ATP12A: variants seen among roughly 807,000 people sequenced by gnomAD.
ATP12A encodes the protein potassium-transporting ATPase alpha chain 2.
ATP12A carries 81 observed loss-of-function variants against 111.2 expected under a neutral mutation model. The ratio of observed to expected loss-of-function variants is 0.73; its 90% confidence interval spans 0.61 to 0.88. The LOEUF (loss-of-function observed/expected upper bound fraction) is 0.88. Ranked by LOEUF, ATP12A falls within the 40% of genes least tolerant of loss-of-function variation. ATP12A has a pLI of 0.00. For missense variants in ATP12A, 1,196 were observed against 1,313.1 expected (o/e 0.91, Z 1.38); for synonymous variants, 498 against 499.8 (o/e 1.00, Z 0.05).
intron 4 of ATP12A, among the ~76,000 whole-genome samples, chr13:24,688,764 T>C (rs1874760594): frequency 6.6e-6 from 1 of 152,104 alleles, no homozygotes; most frequent in African/African-American, 2.4e-5. Flanking sequence ...GTGAAGTAGT[T>C]TGGGGTTCTG....
chr13:24,708,836 G>T (rs1875778274), intron 17 of ATP12A, among the ~76,000 whole-genome samples: 2 of 147,108 alleles, frequency 1.4e-5, no homozygotes, highest in Non-Finnish European at 3.0e-5. Flanking sequence ...AAGAGAGAAA[G>T]AAAGAGAGAA....
At chr13:24,701,894 T>G (rs1194898996) in intron 13 of ATP12A, 41 bp from the exon 14 acceptor site, 1 of 1,612,968 alleles carries the variant, frequency 6.2e-7, no homozygotes. Flanking sequence ...GCCAACCGAG[T>G]TCTTCATTAC....
Position 24,709,822 on chromosome 13 carries a change from G to A in ATP12A, c.2757G>A (p.Gln919=). The change falls in exon 19 of 23, where the codon CAG becomes CAA. Residue 919 remains glutamine, a synonymous_variant. Coordinates refer to ENST00000381946, the MANE Select transcript of ATP12A (RefSeq NM_001676.7). ...ATGACTTGAAAGACAGCTATGGGCAGGAATGGGTGAGTGGCGGGAGCCCTG... is the reference window on the plus strand; with the variant it reads ...ATGACTTGAAAGACAGCTATGGGCAAGAATGGGTGAGTGGCGGGAGCCCTG... ...YVNDLKDSYG[Q]EWTRYQREYL... is the part of the protein sequence containing the mutation. 6.2e-7 allele frequency: 1 copy of A among 1,614,084 alleles called. No individual in the cohort carries two copies.
At chr13:24,706,545 G>T in intron 15 of ATP12A, 82 bp downstream of exon 15, 1 of 1,526,742 alleles carries the variant, frequency 6.5e-7, no homozygotes, top group Non-Finnish European at 8.8e-7. Flanking sequence ...CTCACATCAG[G>T]CTGTGGTGCC....
chr13:24,688,627 T>A (rs1874757841), intron 4 of ATP12A, 105 bp downstream of exon 4: 3 of 1,126,114 alleles, frequency 2.7e-6, no homozygotes, highest in African/African-American at 1.6e-5. Context: ...TGTGGGAAAG[T>A]CAGGCATTTT....
At position 24,711,745 on chromosome 13, in the gene ATP12A, C is replaced by G; in HGVS notation, c.*223C>G. 1 of 608,450 alleles carries G rather than the reference C, an allele frequency of 1.6e-6. No individual in the cohort carries two copies. The highest frequency in any genetic ancestry group is 2.8e-5 in the East Asian group (1 of 35,702). 37.7% of individuals were successfully genotyped at this position (608,450 alleles called of 1,614,324 possible). On this transcript the variant is annotated 3_prime_UTR_variant, in exon 23 of 23. Coordinates refer to ENST00000381946, the MANE Select transcript of ATP12A (RefSeq NM_001676.7). ...ATTTTCTTTTCTATCTCCATCTCCT[C>G]ATTAAAAAATACGTACATTTCGAGG...
At position 24,691,116 on chromosome 13, in the gene ATP12A, G is replaced by T; in HGVS notation, c.934G>T (p.Gly312Ter). Residue 312 changes from glycine (G) to a stop codon, truncating the protein, a stop_gained, in exon 8 of 23, where the codon GGA becomes TGA. Coordinates refer to ENST00000381946, the MANE Select transcript of ATP12A (RefSeq NM_001676.7). LOFTEE classifies it high-confidence loss of function. ...CGAGCACTTTGTTCACATTGTGGCA[G>T]GAGTGGCTGTCTCCATCGGCATCCT... ...EIEHFVHIVA[G>*]VAVSIGILFF... 2 of 1,614,236 alleles carry T rather than the reference G, an allele frequency of 1.2e-6. No individual in the cohort carries two copies. Among genetic ancestry groups the T allele is most frequent in the Non-Finnish European group, 1.7e-6 (2 of 1,180,050 alleles).
chr13:24,692,419 C>G lies in ATP12A; in HGVS notation c.1069-10C>G. On this transcript the variant is annotated splice_polypyrimidine_tract_variant and intron_variant, in intron 8 of 22. Coordinates refer to ENST00000381946, the MANE Select transcript of ATP12A (RefSeq NM_001676.7). ...GATTTTTCCCAAAGCGTCCTTCCCTCTCCTGCTAGGTGACCCTGTCGCTGA... is the reference window on the plus strand; with the variant it reads ...GATTTTTCCCAAAGCGTCCTTCCCTGTCCTGCTAGGTGACCCTGTCGCTGA... 3 of 1,612,932 alleles carry G rather than the reference C, an allele frequency of 1.9e-6. No homozygotes were observed. The highest frequency in any genetic ancestry group is 1.1e-5 in the South Asian group (1 of 91,016).
chr13:24,682,559 C>G (rs8002900), intron 2 of ATP12A, among the ~76,000 whole-genome samples: 1 of 152,082 alleles, frequency 6.6e-6, no homozygotes, highest in Admixed American at 6.5e-5. Flanking sequence ...TCTCTCCCCG[C>G]AGCTGCTTCA....
intron 14 of ATP12A, among the ~76,000 whole-genome samples, chr13:24,702,339 C>T (rs1024280913): frequency 6.6e-6 from 1 of 152,218 alleles, no homozygotes; most frequent in African/African-American, 2.4e-5. Context: ...GGCACAAAAC[C>T]TATGTGCCCA....
At position 24,700,888 on chromosome 13, in the gene ATP12A, A is replaced by G; in HGVS notation, c.1847A>G (p.Asp616Gly). Residue 616 changes from aspartate (D) to glycine (G), a missense_variant, in exon 13 of 23, where the codon GAT (aspartate) becomes GGT (glycine). Physicochemically the swap from Asp to Gly is moderately conservative, Grantham distance 94. Coordinates refer to ENST00000381946, the MANE Select transcript of ATP12A (RefSeq NM_001676.7). ...GATCCCCCTCGGTCCACCGTGCCAG[A>G]TGCAGTCACCAAATGCCGGAGTGCA... ...MIDPPRSTVP[D>G]AVTKCRSAGI... is the part of the protein sequence containing the mutation. The G allele has an allele frequency of 6.2e-7, 1 of 1,614,220 alleles. No homozygotes were observed. Among genetic ancestry groups the G allele is most frequent in the Non-Finnish European group, 8.5e-7 (1 of 1,180,046 alleles).
At chr13:24,698,958 A>G (rs1875285413) in intron 12 of ATP12A, 108 bp downstream of exon 12, 2 of 1,327,254 alleles carry the variant, frequency 1.5e-6, no homozygotes, top group Admixed American at 2.2e-5. Context: ...CACGTGAAGC[A>G]TGTAAAGGAG....
chr13:24,683,751 G>T (rs188045987), intron 2 of ATP12A, among the ~76,000 whole-genome samples: 6 of 152,228 alleles, frequency 3.9e-5, no homozygotes, highest in Middle Eastern at 6.8e-3. Flanking sequence ...AAGATTAAAT[G>T]AGATAAAACA....
chr13:24,705,694 G>A (rs1442849698), intron 14 of ATP12A, among the ~76,000 whole-genome samples: 1 of 152,118 alleles, frequency 6.6e-6, no homozygotes, highest in African/African-American at 2.4e-5. Context: ...TTTTGAGACA[G>A]GGTCTCACTT....
In ATP12A at chr13:24,710,465, G is replaced by A. The variant is rs774579779; in HGVS notation, c.2769G>A (p.Arg923=). 1.9e-6 allele frequency: 3 copies of A among 1,614,076 alleles called. No homozygotes were observed. The highest frequency in any genetic ancestry group is 2.2e-5 in the East Asian group (1 of 44,878). ...CCTTCTCTGCCCATTAACAGACAAGGTACCAGAGGGAATACCTAGAATGGA... is the reference window on the plus strand; with the variant it reads ...CCTTCTCTGCCCATTAACAGACAAGATACCAGAGGGAATACCTAGAATGGA... ...LKDSYGQEWT[R]YQREYLEWTG... is the part of the protein sequence containing the mutation. Residue 923 remains arginine (R), a synonymous_variant, in exon 20 of 23, where the codon AGG becomes AGA. Transcript: ENST00000381946.
chr13:24,698,731 T>C lies in ATP12A; in HGVS notation c.1586T>C (p.Ile529Thr). 1 of 1,613,990 alleles carries C rather than the reference T, an allele frequency of 6.2e-7. No homozygotes were observed. The highest frequency in any genetic ancestry group is 8.5e-7 in the Non-Finnish European group (1 of 1,180,008). ...LMVMKGAPER[I>T]LEKCSTIMIN... ...GTGATGAAGGGGGCCCCTGAGCGCA[T>C]CCTAGAGAAATGCAGCACCATCATG... is the stretch of plus-strand genomic sequence containing the variant. The change falls in exon 12 of 23, where the codon ATC becomes ACC. Residue 529 changes from isoleucine (I) to threonine (T), a missense_variant. Coordinates refer to ENST00000381946, the MANE Select transcript of ATP12A (RefSeq NM_001676.7).
intron 14 of ATP12A, 107 bp downstream of exon 14, chr13:24,702,178 T>A (rs1593140942): frequency 1.4e-6 from 2 of 1,424,830 alleles, no homozygotes; most frequent in Admixed American, 3.6e-5. Flanking sequence ...GCTCTCAGAG[T>A]TATGCTAGGC....
rs1327281231 is a variant in ATP12A at position 24,703,918 on chromosome 13, GC to G, written c.2018+1848del. Among the ~76,000 whole-genome samples, 10 of 149,834 alleles carry G rather than the reference GC, an allele frequency of 6.7e-5. 1 individual carries two copies. Among genetic ancestry groups the G allele is most frequent in the African/African-American group, 2.5e-4 (10 of 40,064 alleles). Reference sequence around the variant, plus strand: ...TGGAGTGCAGTGGTGAAATCTCATTGCAGCCTCCACCTCCTGGGTTCAAGGG... The same window carrying G: ...TGGAGTGCAGTGGTGAAATCTCATTGAGCCTCCACCTCCTGGGTTCAAGGG... On this transcript the variant is annotated intron_variant, in intron 14 of 22. Coordinates refer to ENST00000381946, the MANE Select transcript of ATP12A (RefSeq NM_001676.7).
chr13:24,708,959 AAGAAGGAAAG>A (rs1875827008), intron 17 of ATP12A, among the ~76,000 whole-genome samples: 1 of 127,068 alleles, frequency 7.9e-6, no homozygotes, highest in African/African-American at 2.8e-5. Context: ...GAAAGAAAGA[AAGAAGGAAAG>A]AGAAAGAGAA....
Sources: allele counts gnomAD v4.1 joint callset (sites outside exome capture counted in the v4.1 genomes callset), GRCh38; gene constraint gnomAD v4.1.1; transcripts MANE v1.5; gene names NCBI Gene and HGNC (gene_info 2026-07-23, HGNC 2026-07-21).